Variants in FAM216A observed in about 807,000 individuals in gnomAD.
The protein encoded by FAM216A is family with sequence similarity 216 member A, also known as protein FAM216A.
FAM216A carries 26 observed loss-of-function variants against 37.6 expected under a neutral mutation model. The observed-to-expected ratio is 0.69, with a 90% CI of 0.51 to 0.96. FAM216A has a LOEUF of 0.96. Ranked by LOEUF, FAM216A falls within the 40% of genes least tolerant of loss-of-function variation. The pLI is 0.00. For missense variants in FAM216A, 326 were observed against 339.3 expected, an observed-to-expected ratio of 0.96 and a Z score of 0.31; for synonymous variants, 110 against 121.7, an observed-to-expected ratio of 0.90 and a Z score of 0.64.
chr12:110,482,919 C>T (rs187283389), intron 2 of FAM216A, among the ~76,000 whole-genome samples: 1 of 152,048 alleles, frequency 6.6e-6, no homozygotes, highest in Admixed American at 6.5e-5. Flanking sequence ...ACTGTGTATT[C>T]CCATTTATAT....
intron 1 of FAM216A, among the ~76,000 whole-genome samples, chr12:110,470,636 T>C (rs1010453564): frequency 6.6e-6 from 1 of 151,932 alleles, no homozygotes; most frequent in Non-Finnish European, 1.5e-5. Flanking sequence ...CGCCACCACG[T>C]ACCTGGCTAA....
At chr12:110,472,812 G>A (rs978096714) in intron 1 of FAM216A, among the ~76,000 whole-genome samples, 1 of 151,002 alleles carries the variant, frequency 6.6e-6, no homozygotes, top group South Asian at 2.1e-4. Context: ...TGGTGAAACC[G>A]TCTGTACTAA....
At chr12:110,483,363 T>C (rs1302909444) in intron 2 of FAM216A, among the ~76,000 whole-genome samples, 1 of 151,952 alleles carries the variant, frequency 6.6e-6, no homozygotes, top group Non-Finnish European at 1.5e-5. Context: ...CGTGATTTAA[T>C]TGTCAGAGAC....
chr12:110,471,957 C>T (rs941280374), intron 1 of FAM216A, among the ~76,000 whole-genome samples: 3 of 152,190 alleles, frequency 2.0e-5, no homozygotes, highest in East Asian at 1.9e-4. Flanking sequence ...TTCGGCATGG[C>T]GTGGTGGCTC....
intron 1 of FAM216A, among the ~76,000 whole-genome samples, chr12:110,471,271 G>A (rs2062685643): frequency 6.6e-6 from 1 of 152,030 alleles, no homozygotes; most frequent in Non-Finnish European, 1.5e-5. Context: ...TGCATTTTTA[G>A]TAGAGAACGG....
At chr12:110,472,556 C>A (rs781432450) in intron 1 of FAM216A, among the ~76,000 whole-genome samples, 6 of 151,630 alleles carry the variant, frequency 4.0e-5, no homozygotes, top group Admixed American at 3.3e-4. Flanking sequence ...GAGACCCCAT[C>A]TCTAAAAAAG....
At chr12:110,486,760 A>T in intron 5 of FAM216A, 43 bp downstream of exon 5, 1 of 1,556,332 alleles carries the variant, frequency 6.4e-7, no homozygotes, top group East Asian at 2.2e-5. Context: ...ATCTCAGTTT[A>T]ATTTTTTTTT....
At chr12:110,485,959 T>C (rs539946763) in intron 3 of FAM216A, among the ~76,000 whole-genome samples, 2 of 152,334 alleles carry the variant, frequency 1.3e-5, no homozygotes, top group South Asian at 2.1e-4. Context: ...GTAGAGTAAT[T>C]GGATTGATTT....
chr12:110,486,494 A>G, intron 4 of FAM216A, 40 bp downstream of exon 4: 1 of 1,607,746 alleles, frequency 6.2e-7, no homozygotes, highest in Non-Finnish European at 8.5e-7. Flanking sequence ...AGTTTTTACA[A>G]TTAGTGAGAG....
intron 2 of FAM216A, among the ~76,000 whole-genome samples, chr12:110,481,396 G>A (rs1592980183): frequency 6.6e-6 from 1 of 152,148 alleles, no homozygotes; most frequent in South Asian, 2.1e-4. Context: ...CCAGGCTGGA[G>A]TGCAGTTGCA....
chr12:110,480,238 C>G (rs952742846), intron 2 of FAM216A, among the ~76,000 whole-genome samples: 1 of 111,948 alleles, frequency 8.9e-6, no homozygotes, highest in African/African-American at 3.5e-5. Context: ...GAGTCTCACT[C>G]TGTTGCCCAG....
In FAM216A at chr12:110,468,982, C is replaced by T; in HGVS notation, c.107C>T (p.Pro36Leu). The change falls in exon 1 of 7, where the codon CCG (proline) becomes CTG (leucine). Residue 36 changes from proline to leucine, a missense_variant. Physicochemically the swap from Pro to Leu is moderately conservative, Grantham distance 98. Transcript: ENST00000377673. ...ACGGAGCGTAGCTCTTCTGCAGAGC[C>T]GCCCGCTGTGGCCGGGACCGAGGGT... ...DWTERSSSAE[P>L]PAVAGTEGGG... 2.0e-6 allele frequency: 3 copies of T among 1,508,822 alleles called. No homozygotes were observed. Among genetic ancestry groups the T allele is most frequent in the East Asian group, 5.1e-5 (2 of 39,284 alleles). The allele number at this position is 1,508,822 out of a possible 1,614,324, so 93.5% of individuals were successfully genotyped here. A position where few individuals can be genotyped will look rare whatever the true frequency, so the allele number is the denominator to read the frequency against.
intron 2 of FAM216A, among the ~76,000 whole-genome samples, chr12:110,480,779 G>A (rs1244609098): frequency 1.3e-5 from 2 of 151,358 alleles, no homozygotes; most frequent in Non-Finnish European, 2.9e-5. Flanking sequence ...GCTCGTGTGT[G>A]TAATCCCAGC....
intron 2 of FAM216A, among the ~76,000 whole-genome samples, chr12:110,477,104 C>G (rs1369287610): frequency 2.0e-5 from 3 of 152,186 alleles, no homozygotes; most frequent in Non-Finnish European, 4.4e-5. Context: ...GTCCTTCTAG[C>G]AGGAATAGCA....
Position 110,473,065 on chromosome 12 carries a change from A to AT in FAM216A, c.144-7dup, listed in dbSNP as rs748637414. On this transcript the variant is annotated splice_polypyrimidine_tract_variant and intron_variant, in intron 1 of 6. Transcript: ENST00000377673. Reference sequence around the variant, plus strand: ...TTATTACATATTATTTATATGCTTTATTTTTTCAACAGATCAGCTGGATAC... The same window carrying AT: ...TTATTACATATTATTTATATGCTTTATTTTTTTCAACAGATCAGCTGGATAC... 14 of 1,435,902 alleles carry AT rather than the reference A, an allele frequency of 9.7e-6. No homozygotes were observed. The East Asian group carries it at 2.7e-4, about 28-fold the overall frequency. 88.9% of individuals were successfully genotyped at this position (1,435,902 alleles called of 1,614,324 possible). A position where few individuals can be genotyped will look rare whatever the true frequency, so the allele number is the denominator to read the frequency against.
chr12:110,468,444 C>T (rs779557308), upstream of FAM216A: 32 of 1,535,010 alleles, frequency 2.1e-5, no homozygotes, highest in African/African-American at 3.6e-4. Context: ...GGAAATCGGC[C>T]GTTGGGATGC....
rs201715340 is a variant in FAM216A, at chr12:110,486,625, A to G, written c.528A>G (p.Arg176=). 56 of 1,614,188 alleles carry G rather than the reference A, an allele frequency of 3.5e-5. No individual in the cohort carries two copies. In the East Asian group the frequency reaches 8.9e-4, roughly 26 times the overall value. The part of the protein sequence containing the change: ...PCTTWRHQLE[R]EDSGSSDIAA... ...CTACATGGCGACATCAACTGGAGAG[A>G]GAGGACTCGGGGTCTTCTGATATCG... Residue 176 remains arginine, a synonymous_variant, in exon 5 of 7, where the codon AGA becomes AGG. Transcript: ENST00000377673.
intron 3 of FAM216A, among the ~76,000 whole-genome samples, chr12:110,485,895 A>G (rs2062774192): frequency 6.6e-6 from 1 of 152,180 alleles, no homozygotes; most frequent in African/African-American, 2.4e-5. Context: ...AATGTCCAAC[A>G]CAGTCAGTTA....
chr12:110,469,541 G>C (rs1177372874), intron 1 of FAM216A, among the ~76,000 whole-genome samples: 3 of 151,328 alleles, frequency 2.0e-5, no homozygotes, highest in African/African-American at 7.3e-5. Context: ...AGACAGTCTC[G>C]CTCTGTTGCC....
Sources: gnomAD v4.1 joint callset for allele counts (sites outside exome capture counted in the v4.1 genomes callset) on GRCh38, gnomAD v4.1.1 for gene constraint, MANE v1.5 for transcripts, NCBI Gene and HGNC (gene_info 2026-07-23, HGNC 2026-07-21) for gene names.